CNGB1: variants seen among roughly 807,000 people sequenced by gnomAD.
The protein encoded by CNGB1 is cyclic nucleotide gated channel subunit beta 1.
CNGB1 carries 126 observed loss-of-function variants against 151.7 expected under a neutral mutation model. That is an observed-to-expected ratio of 0.83 (90% confidence interval 0.72 to 0.96). The LOEUF (loss-of-function observed/expected upper bound fraction) is 0.96, where lower values mean the gene tolerates loss of function less well. Ranked by LOEUF, CNGB1 falls within the 40% of genes least tolerant of loss-of-function variation. The pLI, the probability that CNGB1 is intolerant of heterozygous loss-of-function variation, is 0.00. For synonymous variants in CNGB1, 623 were observed against 635.1 expected (o/e 0.98, Z 0.29); for missense variants, 1,698 against 1,627.0 (o/e 1.04, Z -0.75).
At chr16:57,905,316 G>A (rs1429382452) in intron 25 of CNGB1, among the ~76,000 whole-genome samples, 4 of 152,168 alleles carry the variant, frequency 2.6e-5, no homozygotes, top group Admixed American at 2.6e-4. Flanking sequence ...ATATCTTGAG[G>A]ATGACTTTTT....
At chr16:57,885,636 C>T (rs1372859756) in intron 32 of CNGB1, among the ~76,000 whole-genome samples, 4 of 148,436 alleles carry the variant, frequency 2.7e-5, no homozygotes, top group Non-Finnish European at 4.4e-5. Context: ...CTCTGCCACC[C>T]GGGATGGAGT....
At chr16:57,904,024 T>C (rs376675337) in intron 26 of CNGB1, 43 bp from the exon 27 acceptor site, 37 of 1,591,332 alleles carry the variant, frequency 2.3e-5, no homozygotes, top group Admixed American at 3.4e-5. Flanking sequence ...CACTGGGTCA[T>C]TGGGGGTGGG....
chr16:57,921,476 C>G (rs1482287204), intron 18 of CNGB1, among the ~76,000 whole-genome samples: 1 of 152,138 alleles, frequency 6.6e-6, no homozygotes, highest in Non-Finnish European at 1.5e-5. Flanking sequence ...CCTGCTTCGG[C>G]CTCTGAAAGT....
intron 22 of CNGB1, 63 bp from the exon 23 acceptor site, chr16:57,915,398 A>G: frequency 7.8e-7 from 1 of 1,290,064 alleles, no homozygotes; most frequent in South Asian, 1.2e-5. Flanking sequence ...AGGTGAGGGG[A>G]GTGAGAGGCG....
chr16:57,940,357 C>G (rs1382131008), intron 14 of CNGB1, 36 bp from the exon 15 acceptor site: 3 of 1,551,146 alleles, frequency 1.9e-6, no homozygotes, highest in Non-Finnish European at 2.6e-6. Flanking sequence ...GATAAAAGGA[C>G]TGGGTTAGGG....
rs503686 is a variant in CNGB1, at chr16:57,957,413, C to T, written c.838-36G>A. On this transcript the variant is annotated intron_variant, in intron 11 of 32. Transcript: ENST00000251102. The stretch of plus-strand genomic sequence containing the variant: ...AGAGAAAAAAGGGAAAATCCTGCCA[C>T]GGCCTCTTCACCAGCCTCCCCGTTT... 1,213,495 of 1,602,008 alleles carry T rather than the reference C, an allele frequency of 0.76. 467,314 individuals are homozygous for T. Among genetic ancestry groups the T allele is most frequent in the East Asian group, 0.84 (37,762 of 44,802 alleles).
chr16:57,967,777 ATG>A (rs761763965), intron 1 of CNGB1, among the ~76,000 whole-genome samples: 82 of 152,038 alleles, frequency 5.4e-4, no homozygotes, highest in Non-Finnish European at 6.9e-4. Context: ...ACACACAGAT[ATG>A]TGTGTGTGTA....
chr16:57,902,544 C>T (rs1330191492), intron 27 of CNGB1, among the ~76,000 whole-genome samples: 3 of 148,432 alleles, frequency 2.0e-5, no homozygotes, highest in African/African-American at 5.0e-5. Flanking sequence ...TGGGCTCAAG[C>T]AATCCACCTG....
At chr16:57,895,557 A>G (rs1445267092) in intron 31 of CNGB1, among the ~76,000 whole-genome samples, 8 of 148,562 alleles carry the variant, frequency 5.4e-5, no homozygotes, top group African/African-American at 2.0e-4. Flanking sequence ...TTTTTTATAT[A>G]TATATATATA....
intron 2 of CNGB1, among the ~76,000 whole-genome samples, chr16:57,964,954 C>T (rs1158713929): frequency 6.6e-6 from 1 of 152,226 alleles, no homozygotes; most frequent in Non-Finnish European, 1.5e-5. Context: ...CTCTCCCTCT[C>T]CTTCTGGCCC....
At chr16:57,919,768 A>G (rs1427603901) in intron 19 of CNGB1, among the ~76,000 whole-genome samples, 2 of 152,146 alleles carry the variant, frequency 1.3e-5, no homozygotes, top group African/African-American at 4.8e-5. Flanking sequence ...TGCATCTATG[A>G]TGATACTTTT....
chr16:57,939,655 C>T, intron 15 of CNGB1, 63 bp from the exon 16 acceptor site: 3 of 1,603,330 alleles, frequency 1.9e-6, no homozygotes, highest in South Asian at 2.2e-5. Context: ...GTCTCAGCAG[C>T]TCCTGTTAGA....
At chr16:57,904,070 C>T (rs561045591) in intron 26 of CNGB1, 89 bp from the exon 27 acceptor site, 126 of 1,248,172 alleles carry the variant, frequency 1.0e-4, no homozygotes, top group Non-Finnish European at 1.2e-4. Context: ...TCACTTCACA[C>T]AGACCACGGG....
In CNGB1 at chr16:57,882,354, A is replaced by C. The variant is rs1219818645; in HGVS notation, c.*1810T>G. On this transcript the variant is annotated 3_prime_UTR_variant, in exon 33 of 33. Coordinates refer to ENST00000251102, the MANE Select transcript of CNGB1 (RefSeq NM_001297.5). The stretch of plus-strand genomic sequence containing the variant: ...TTTTTTTTAAAAAAAAAATAGGGTA[A>C]AATAATAAGGTCAATCATCACTATA... 1 of 152,050 alleles carries C rather than the reference A, an allele frequency of 6.6e-6. No individual in the cohort carries two copies. The highest frequency in any genetic ancestry group is 6.6e-5 in the Admixed American group (1 of 15,260). The allele number at this position is 152,050 out of a possible 1,614,324, so 9.4% of individuals were successfully genotyped here.
Position 57,919,240 on chromosome 16 carries a change from C to T in CNGB1, c.1816G>A (p.Ala606Thr). The T allele has an allele frequency of 1.2e-6, 2 of 1,614,164 alleles. No homozygotes were observed. Among genetic ancestry groups the T allele is most frequent in the South Asian group, 2.2e-5 (2 of 91,086 alleles). Residue 606 changes from alanine to threonine, a missense_variant, in exon 20 of 33, where the codon GCC becomes ACC. Coordinates refer to ENST00000251102, the MANE Select transcript of CNGB1 (RefSeq NM_001297.5). Reference sequence around the variant, plus strand: ...TTTGTGTCTGGAGCTGGCTCTGGGGCTTTCTTGGCTGGGGCTGTGGGATGA... The same window carrying T: ...TTTGTGTCTGGAGCTGGCTCTGGGGTTTTCTTGGCTGGGGCTGTGGGATGA... ...ESPKPSPAKKAPEPAPDTKPA... is the reference protein window; with the variant it reads ...ESPKPSPAKKTPEPAPDTKPA...
intron 8 of CNGB1, 93 bp from the exon 9 acceptor site, chr16:57,960,623 G>A (rs1962224265): frequency 2.6e-6 from 4 of 1,520,374 alleles, no homozygotes; most frequent in African/African-American, 1.4e-5. Context: ...GCCCAAGGCG[G>A]GTGAGCCGGG....
intron 19 of CNGB1, among the ~76,000 whole-genome samples, chr16:57,919,978 G>A (rs1221996457): frequency 1.3e-4 from 20 of 152,224 alleles, no homozygotes; most frequent in Admixed American, 1.1e-3. Flanking sequence ...AGAAAAATTC[G>A]GATAGCCTCA....
At chr16:57,919,436 C>T (rs1475043523) in intron 19 of CNGB1, among the ~76,000 whole-genome samples, 182 bp from the exon 20 acceptor site, 1 of 152,188 alleles carries the variant, frequency 6.6e-6, no homozygotes, top group Non-Finnish European at 1.5e-5. Context: ...ACTCCACAAC[C>T]CTCCTCAACA....
At position 57,920,418 on chromosome 16, in the gene CNGB1, G is replaced by C. The variant is rs770735553; in HGVS notation, c.1770C>G (p.Asp590Glu). 65 of 1,614,174 alleles carry C rather than the reference G, an allele frequency of 4.0e-5. 1 individual carries two copies. In the South Asian group the frequency reaches 5.6e-4, roughly 14 times the overall value. Residue 590 changes from aspartate to glutamate, a missense_variant, in exon 19 of 33, where the codon GAC (aspartate) becomes GAG (glutamate). Transcript: ENST00000251102. Reference protein sequence around the residue: ...EKVKEKLIDPDVTSDEESPKP... With the variant: ...EKVKEKLIDPEVTSDEESPKP... ...TGGGGCTCTCCTCATCAGAGGTGAC[G>C]TCAGGGTCAATGAGTTTCTCCTTCA...
Sources: allele counts gnomAD v4.1 joint callset (sites outside exome capture counted in the v4.1 genomes callset), GRCh38; gene constraint gnomAD v4.1.1; transcripts MANE v1.5; gene names NCBI Gene and HGNC (gene_info 2026-07-23, HGNC 2026-07-21).